PSPC1: variants seen among roughly 807,000 people sequenced by gnomAD.
PSPC1 encodes paraspeckle protein 1.
In PSPC1, 14 loss-of-function variants were observed where a neutral mutation model predicts 51.6. That is an observed-to-expected ratio of 0.27 (90% confidence interval 0.18 to 0.42). The LOEUF (loss-of-function observed/expected upper bound fraction) is 0.42, where lower values mean the gene tolerates loss of function less well. Ranked by LOEUF, PSPC1 falls within the 10% of genes least tolerant of loss-of-function variation. The pLI is 1.00. For synonymous variants in PSPC1, 193 were observed against 231.9 expected, an observed-to-expected ratio of 0.83 and a Z score of 1.53; for missense variants, 406 against 701.1, an observed-to-expected ratio of 0.58 and a Z score of 4.75.
chr13:19,740,354 A>G (rs1007297565), intron 5 of PSPC1, among the ~76,000 whole-genome samples: 5 of 152,160 alleles, frequency 3.3e-5, no homozygotes, highest in African/African-American at 9.7e-5. Context: ...AAAAAAAAAA[A>G]AGAATGAATT....
chr13:19,760,979 C>T (rs2138210317), intron 2 of PSPC1, among the ~76,000 whole-genome samples: 1 of 151,474 alleles, frequency 6.6e-6, no homozygotes, highest in South Asian at 2.1e-4. Context: ...CAGAGTGAAA[C>T]TCCGTCTCAA....
At chr13:19,730,452 C>A in intron 5 of PSPC1, 108 bp from the exon 6 acceptor site, 1 of 996,328 alleles carries the variant, frequency 1.0e-6, no homozygotes, top group Non-Finnish European at 1.6e-6. Flanking sequence ...TATGCCAAAC[C>A]TGTAATCACG....
intron 6 of PSPC1, among the ~76,000 whole-genome samples, chr13:19,720,482 A>G (rs1423217351): frequency 6.6e-6 from 1 of 152,212 alleles, no homozygotes; most frequent in African/African-American, 2.4e-5. Context: ...GATAGTCGGC[A>G]TTAGATAAAT....
chr13:19,725,000 A>G (rs1883205708), intron 6 of PSPC1, among the ~76,000 whole-genome samples: 1 of 151,694 alleles, frequency 6.6e-6, no homozygotes. Context: ...TCCGTCTCAA[A>G]AATAAAAATA....
At chr13:19,756,552 T>A (rs1593724728) in intron 3 of PSPC1, among the ~76,000 whole-genome samples, 1 of 151,022 alleles carries the variant, frequency 6.6e-6, no homozygotes, top group South Asian at 2.1e-4. Flanking sequence ...CAGGCTGGAG[T>A]GTGGTGGCGC....
chr13:19,766,051 G>T (rs1200397715), intron 2 of PSPC1, among the ~76,000 whole-genome samples: 1 of 152,162 alleles, frequency 6.6e-6, no homozygotes, highest in Non-Finnish European at 1.5e-5. Context: ...CTTCTGCACA[G>T]GAAAAGTGTG....
intron 1 of PSPC1, among the ~76,000 whole-genome samples, chr13:19,777,239 G>A (rs1229489740): frequency 2.6e-5 from 4 of 151,178 alleles, no homozygotes; most frequent in Non-Finnish European, 5.9e-5. Context: ...AGACCAGCCT[G>A]GCCAACATGG....
At chr13:19,694,963 A>C (rs953871412) in intron 6 of PSPC1, among the ~76,000 whole-genome samples, 2 of 152,240 alleles carry the variant, frequency 1.3e-5, no homozygotes, top group Non-Finnish European at 2.9e-5. Flanking sequence ...CACAAATGCT[A>C]TCAGGGCAAA....
intron 5 of PSPC1, among the ~76,000 whole-genome samples, chr13:19,732,391 A>C (rs973223715): frequency 6.6e-6 from 1 of 152,156 alleles, no homozygotes; most frequent in African/African-American, 2.4e-5. Flanking sequence ...TCTCATTTAA[A>C]AAAGGGTCAA....
intron 2 of PSPC1, 96 bp downstream of exon 2, chr13:19,772,146 T>C: frequency 7.7e-7 from 1 of 1,307,036 alleles, no homozygotes. Context: ...CTACTTACCA[T>C]ATGCTAGTAT....
chr13:19,746,009 GTTT>G (rs1193097882), intron 4 of PSPC1, among the ~76,000 whole-genome samples: 1 of 104,094 alleles, frequency 9.6e-6, no homozygotes, highest in Non-Finnish European at 2.1e-5. Flanking sequence ...TTTGTTTTTT[GTTT>G]TTTTTTTTTT....
chr13:19,774,112 C>T (rs1593776989), intron 1 of PSPC1, among the ~76,000 whole-genome samples: 1 of 152,158 alleles, frequency 6.6e-6, no homozygotes, highest in South Asian at 2.1e-4. Context: ...AAAAAATATG[C>T]TCATTGCTGA....
intron 4 of PSPC1, 76 bp downstream of exon 4, chr13:19,751,195 C>G: frequency 8.4e-7 from 1 of 1,193,464 alleles, no homozygotes; most frequent in Non-Finnish European, 1.1e-6. Flanking sequence ...GCACTTTACA[C>G]AGTAGTACAT....
At chr13:19,673,073 C>A (rs1182220676), downstream of PSPC1, 1 of 432,688 alleles carries the variant, frequency 2.3e-6, no homozygotes, top group South Asian at 1.6e-5. Flanking sequence ...AAAAAAGTTT[C>A]TTGGAACCTA....
intron 6 of PSPC1, among the ~76,000 whole-genome samples, chr13:19,723,595 C>G (rs1027051403): frequency 2.7e-4 from 41 of 152,302 alleles, no homozygotes; most frequent in African/African-American, 8.9e-4. Flanking sequence ...ATTAAATAAT[C>G]TTTGGAGGAG....
rs56662113 is a variant in PSPC1, at chr13:19,728,439, AACACACACACAC to A, written c.1158+1788_1158+1799del. Among the ~76,000 whole-genome samples, 886 of 144,434 alleles carry A rather than the reference AACACACACACAC, an allele frequency of 6.1e-3. 10 individuals carry two copies. Among genetic ancestry groups the A allele is most frequent in the African/African-American group, 0.019 (688 of 36,882 alleles). 94.8% of individuals were successfully genotyped at this position (144,434 alleles called of 152,430 possible). Reference sequence around the variant, plus strand: ...TAAGAGGGCCTAATTTCAAAGCTTAAACACACACACACACACACACACACACACACACACACA... The same window carrying A: ...TAAGAGGGCCTAATTTCAAAGCTTAAACACACACACACACACACACACACA... On this transcript the variant is annotated intron_variant, in intron 6 of 8. Coordinates refer to ENST00000338910, the MANE Select transcript of PSPC1 (RefSeq NM_001354909.2).
chr13:19,756,148 G>A (rs1887048023), intron 3 of PSPC1, among the ~76,000 whole-genome samples: 1 of 152,080 alleles, frequency 6.6e-6, no homozygotes, highest in Admixed American at 6.6e-5. Context: ...TGAGGGACAA[G>A]AATCACTTGA....
At chr13:19,711,532 GGAGGCT>G (rs1391176876) in intron 6 of PSPC1, among the ~76,000 whole-genome samples, 1 of 151,920 alleles carries the variant, frequency 6.6e-6, no homozygotes, top group Admixed American at 6.6e-5. Flanking sequence ...CAACTATTCG[GGAGGCT>G]GAGGCAGGAG....
At chr13:19,711,524 A>C (rs1881419843) in intron 6 of PSPC1, among the ~76,000 whole-genome samples, 1 of 151,734 alleles carries the variant, frequency 6.6e-6, no homozygotes, top group Admixed American at 6.6e-5. Flanking sequence ...CGTAGTCCCA[A>C]CTATTCGGGA....
Sources: gnomAD v4.1 joint callset for allele counts (sites outside exome capture counted in the v4.1 genomes callset) on GRCh38, gnomAD v4.1.1 for gene constraint, MANE v1.5 for transcripts, NCBI Gene and HGNC (gene_info 2026-07-23, HGNC 2026-07-21) for gene names.